The following KCNH8 variants were observed in gnomAD, a reference collection of about 807,000 sequenced individuals.
KCNH8 encodes the protein voltage-gated delayed rectifier potassium channel KCNH8.
KCNH8 carries 70 observed loss-of-function variants against 103.6 expected under a neutral mutation model. The ratio of observed to expected loss-of-function variants is 0.68; its 90% CI spans 0.56 to 0.82. The LOEUF (loss-of-function observed/expected upper bound fraction) is 0.82. Among genes scored for constraint, KCNH8 ranks in the 40% least tolerant of loss-of-function variants. The pLI, the probability that KCNH8 is intolerant of heterozygous loss-of-function variation, is 0.00. For missense variants in KCNH8, 1,217 were observed against 1,329.9 expected (o/e 0.92, Z 1.32); for synonymous variants, 498 against 489.4 (o/e 1.02, Z -0.23).
intron 5 of KCNH8, among the ~76,000 whole-genome samples, chr3:19,374,273 C>T (rs536625386): frequency 2.0e-4 from 31 of 151,602 alleles, no homozygotes; most frequent in Non-Finnish European, 3.2e-4. Flanking sequence ...TCAGGACTGG[C>T]TTTATGAATC....
intron 7 of KCNH8, among the ~76,000 whole-genome samples, chr3:19,425,216 AATT>A (rs1352604755): frequency 1.3e-5 from 2 of 152,190 alleles, no homozygotes; most frequent in African/African-American, 4.8e-5. Context: ...CTGGCCTAGT[AATT>A]ATTATTCATG....
At chr3:19,240,122 T>C (rs1050819399) in intron 1 of KCNH8, among the ~76,000 whole-genome samples, 2 of 152,226 alleles carry the variant, frequency 1.3e-5, no homozygotes, top group South Asian at 4.1e-4. Flanking sequence ...GCTCTCTCTT[T>C]ACTCACTTTC....
At chr3:19,166,773 C>T (rs1215452174) in intron 1 of KCNH8, among the ~76,000 whole-genome samples, 1 of 152,108 alleles carries the variant, frequency 6.6e-6, no homozygotes, top group Non-Finnish European at 1.5e-5. Flanking sequence ...CTATGCTGCA[C>T]TATAAAGCAG....
chr3:19,381,680 G>A (rs745725834), intron 5 of KCNH8, among the ~76,000 whole-genome samples: 4 of 151,800 alleles, frequency 2.6e-5, no homozygotes, highest in Non-Finnish European at 5.9e-5. Context: ...TCACTACCAC[G>A]AGAATTGCTA....
intron 1 of KCNH8, among the ~76,000 whole-genome samples, chr3:19,222,979 A>G (rs775017314): frequency 3.3e-5 from 5 of 152,150 alleles, no homozygotes; most frequent in Non-Finnish European, 7.4e-5. Context: ...CTTATTTTAT[A>G]TGTTTTGAGC....
chr3:19,525,576 A>C (rs2069050628), intron 15 of KCNH8, among the ~76,000 whole-genome samples: 1 of 151,958 alleles, frequency 6.6e-6, no homozygotes, highest in Non-Finnish European at 1.5e-5. Context: ...GATAAATAAT[A>C]GATTACCATG....
At chr3:19,511,014 C>CT (rs1176783561) in intron 12 of KCNH8, among the ~76,000 whole-genome samples, 3 of 152,088 alleles carry the variant, frequency 2.0e-5, no homozygotes, top group African/African-American at 2.4e-5. Flanking sequence ...TTTAATTATA[C>CT]TTTAAGTTCT....
At chr3:19,523,469 T>C (rs1025676895) in intron 15 of KCNH8, among the ~76,000 whole-genome samples, 14 of 151,978 alleles carry the variant, frequency 9.2e-5, no homozygotes, top group Admixed American at 2.6e-4. Context: ...TGTTATAAGA[T>C]AAATTATACT....
chr3:19,373,805 T>C (rs1287807081), intron 5 of KCNH8, among the ~76,000 whole-genome samples: 36 of 152,250 alleles, frequency 2.4e-4, no homozygotes, highest in Admixed American at 1.4e-3. Flanking sequence ...TCTGGTATGT[T>C]GTGTCTTTGT....
intron 7 of KCNH8, among the ~76,000 whole-genome samples, chr3:19,399,725 C>T (rs1440923154): frequency 6.6e-6 from 1 of 151,912 alleles, no homozygotes; most frequent in Non-Finnish European, 1.5e-5. Context: ...CCCTCTGAAA[C>T]TCCAGCCACC....
At chr3:19,418,112 A>G (rs77012640) in intron 7 of KCNH8, among the ~76,000 whole-genome samples, 5,743 of 152,310 alleles carry the variant, frequency 0.038, 274 homozygotes, top group East Asian at 0.24. Flanking sequence ...CTGGGCTTCA[A>G]AAGGTGAGTA....
At chr3:19,308,899 T>C (rs1362073175) in intron 3 of KCNH8, among the ~76,000 whole-genome samples, 1 of 151,348 alleles carries the variant, frequency 6.6e-6, no homozygotes, top group Non-Finnish European at 1.5e-5. Context: ...TTAAATTTAA[T>C]CTGTTTTTAA....
At chr3:19,466,244 A>G (rs527677244) in intron 11 of KCNH8, among the ~76,000 whole-genome samples, 19 of 152,140 alleles carry the variant, frequency 1.2e-4, no homozygotes, top group Non-Finnish European at 2.2e-4. Context: ...CTTCTTATGA[A>G]TGAGTGAAGT....
At chr3:19,169,724 G>A (rs1312636276) in intron 1 of KCNH8, among the ~76,000 whole-genome samples, 2 of 152,106 alleles carry the variant, frequency 1.3e-5, no homozygotes, top group Non-Finnish European at 2.9e-5. Flanking sequence ...AACTGAAATA[G>A]ATACATTATA....
chr3:19,258,585 C>G (rs1041500525), intron 2 of KCNH8, among the ~76,000 whole-genome samples: 5 of 151,940 alleles, frequency 3.3e-5, no homozygotes, highest in Non-Finnish European at 5.9e-5. Flanking sequence ...ACTTAACATG[C>G]AGAGTGCTTT....
At chr3:19,222,885 T>C (rs551141040) in intron 1 of KCNH8, among the ~76,000 whole-genome samples, 1 of 152,212 alleles carries the variant, frequency 6.6e-6, no homozygotes, top group African/African-American at 2.4e-5. Context: ...TCCTTAGAGA[T>C]GTACCAAGTA....
intron 1 of KCNH8, among the ~76,000 whole-genome samples, chr3:19,239,050 C>T (rs2064101262): frequency 6.6e-6 from 1 of 152,074 alleles, no homozygotes; most frequent in Non-Finnish European, 1.5e-5. Flanking sequence ...GTTATAAAGA[C>T]AGGAATAAAT....
chr3:19,205,712 A>G (rs932786977), intron 1 of KCNH8, among the ~76,000 whole-genome samples: 1 of 152,070 alleles, frequency 6.6e-6, no homozygotes, highest in African/African-American at 2.4e-5. Context: ...AAAAATATGT[A>G]TGAAATTAAC....
At chr3:19,164,209 T>C (rs1298311175) in intron 1 of KCNH8, among the ~76,000 whole-genome samples, 8 of 152,200 alleles carry the variant, frequency 5.3e-5, no homozygotes, top group African/African-American at 1.7e-4. Flanking sequence ...TTGTGCTCAC[T>C]TGAGAGACAA....
Sources: gnomAD v4.1 joint callset for allele counts (sites outside exome capture counted in the v4.1 genomes callset) on GRCh38, gnomAD v4.1.1 for gene constraint, MANE v1.5 for transcripts, NCBI Gene and HGNC (gene_info 2026-07-23, HGNC 2026-07-21) for gene names.